CARS2: variants seen among roughly 807,000 people sequenced by gnomAD.
CARS2 encodes probable cysteine--tRNA ligase, mitochondrial.
A neutral mutation model predicts 68.8 loss-of-function variants in CARS2; 52 were observed. The ratio of observed to expected loss-of-function variants is 0.76; its 90% confidence interval spans 0.61 to 0.95. The LOEUF (loss-of-function observed/expected upper bound fraction) is 0.95. Among genes scored for constraint, CARS2 ranks in the 40% least tolerant of loss-of-function variants. CARS2 has a pLI of 0.00. For synonymous variants in CARS2, 314 were observed against 303.6 expected (o/e 1.03, Z -0.36); for missense variants, 780 against 754.2 (o/e 1.03, Z -0.40).
Position 110,651,105 on chromosome 13 carries a change from T to A in CARS2, c.988-5A>T. 6.2e-7 allele frequency: 1 copy of A among 1,611,932 alleles called. No individual in the cohort carries two copies. Among genetic ancestry groups the A allele is most frequent in the Admixed American group, 1.7e-5 (1 of 59,980 alleles). On this transcript the variant is annotated splice_region_variant and splice_polypyrimidine_tract_variant and intron_variant, in intron 9 of 14. Transcript: ENST00000257347. ...GGAAAAGGTCTTCAGAAAGTCCTGG[T>A]AAAGCGAGAGACAGGCAGTCACGAG... is the stretch of plus-strand genomic sequence containing the variant.
chr13:110,702,141 A>G (rs181828171), intron 2 of CARS2, among the ~76,000 whole-genome samples: 1 of 152,320 alleles, frequency 6.6e-6, no homozygotes, highest in Admixed American at 6.5e-5. Context: ...CATAAAAGTT[A>G]CCTTAAAACT....
intron 9 of CARS2, 67 bp from the exon 10 acceptor site, chr13:110,651,167 G>A (rs1384726264): frequency 1.8e-6 from 2 of 1,094,338 alleles, no homozygotes; most frequent in East Asian, 5.0e-5. Context: ...CAGAGAATAT[G>A]TTACTTTCTA....
chr13:110,685,203 G>C (rs752006502), intron 5 of CARS2, among the ~76,000 whole-genome samples: 2 of 152,048 alleles, frequency 1.3e-5, no homozygotes, highest in Non-Finnish European at 2.9e-5. Context: ...AGTTTTTCCT[G>C]GGAGGCTGAG....
intron 14 of CARS2, 71 bp downstream of exon 14, chr13:110,642,244 C>T (rs1225264085): frequency 8.2e-7 from 1 of 1,223,984 alleles, no homozygotes; most frequent in South Asian, 1.3e-5. Context: ...GTCTGGGCCT[C>T]TGATGGCCCC....
intron 9 of CARS2, among the ~76,000 whole-genome samples, chr13:110,657,845 C>G (rs1171824049): frequency 6.6e-6 from 1 of 152,194 alleles, no homozygotes; most frequent in East Asian, 1.9e-4. Flanking sequence ...CATTCCTTAA[C>G]AAATGGTAAA....
Position 110,705,416 on chromosome 13 carries a change from T to C in CARS2, c.275+105A>G. 5 of 753,570 alleles carry C rather than the reference T, an allele frequency of 6.6e-6. No homozygotes were observed. In the South Asian group the frequency reaches 9.1e-5, roughly 14 times the overall value. The allele number at this position is 753,570 out of a possible 1,614,324, so 46.7% of individuals were successfully genotyped here. A position where few individuals can be genotyped will look rare whatever the true frequency, so the allele number is the denominator to read the frequency against. The stretch of plus-strand genomic sequence containing the variant: ...CACAATGCCTGGAATGTAGGAATTA[T>C]TCTGCATCCCTAAGTTGCCACTTAA... On this transcript the variant is annotated intron_variant, in intron 2 of 14. Transcript: ENST00000257347. The surrounding 1 kb of genome is among the most constrained non-coding windows in gnomAD (Gnocchi z 4.0).
rs1594438096 is a variant in CARS2 at position 110,706,059 on chromosome 13, G to A, written c.35C>T (p.Pro12Leu). The change falls in exon 1 of 15, where the codon CCC becomes CTC. Residue 12 changes from proline to leucine, a missense_variant. Pro to Leu is a moderately conservative substitution (Grantham distance 98, BLOSUM62 -3). Transcript: ENST00000257347. ...LRTTRGPGLG[P>L]PLLQAALGLG... ...GCCCAGCGCGGCCTGGAGCAGCGGG[G>A]GGCCCAGGCCTGGGCCGCGCGTAGT... 2.2e-6 allele frequency: 3 copies of A among 1,358,768 alleles called. No individual in the cohort carries two copies. The highest frequency in any genetic ancestry group is 2.8e-6 in the Non-Finnish European group (3 of 1,057,280). 84.2% of individuals were successfully genotyped at this position (1,358,768 alleles called of 1,614,324 possible).
intron 12 of CARS2, 46 bp downstream of exon 12, chr13:110,645,921 A>C (rs780112388): frequency 3.6e-5 from 58 of 1,599,308 alleles, no homozygotes; most frequent in Non-Finnish European, 4.8e-5. Flanking sequence ...GACCCGACCC[A>C]TGCCCCTGGC....
chr13:110,712,178 G>A (rs182297694), intron 1 of CARS2: 2 of 151,818 alleles, frequency 1.3e-5, no homozygotes, highest in Non-Finnish European at 2.9e-5. Flanking sequence ...CAGAAACACT[G>A]CAAGGGCTGG....
rs371620375 is a variant in CARS2, at chr13:110,688,003, C to A, written c.409G>T (p.Ala137Ser). Residue 137 changes from alanine (A) to serine (S), a missense_variant, in exon 4 of 15, where the codon GCT (alanine) becomes TCT (serine). Ala to Ser is a moderately conservative substitution (Grantham distance 99). Transcript: ENST00000257347. ...TCCTCATAAAGACTGGCGAGGGAAGCGGGGGAAATATTCATCTGCAGAAGG... is the reference window on the plus strand; with the variant it reads ...TCCTCATAAAGACTGGCGAGGGAAGAGGGGGAAATATTCATCTGCAGAAGG... ...KRANEMNISP[A>S]SLASLYEEDF... The A allele has an allele frequency of 3.7e-6, 6 of 1,609,904 alleles. No individual in the cohort carries two copies. Among genetic ancestry groups the A allele is most frequent in the Admixed American group, 1.7e-5 (1 of 59,938 alleles).
rs118032606 is a variant in CARS2 at position 110,642,912 on chromosome 13, G to A, written c.1417-391C>T. ...GGGCAGCGACTGAGCGCTTGCACAC[G>A]TGTGTTTCGGCAAATGGTCTGAGAT... On this transcript the variant is annotated intron_variant, in intron 13 of 14. Transcript: ENST00000257347. 5.0e-3 allele frequency: 2,101 copies of A among 419,016 alleles called. 13 individuals are homozygous for A. The highest frequency in any genetic ancestry group is 7.0e-3 in the Non-Finnish European group (1,516 of 218,064). 26.0% of individuals were successfully genotyped at this position (419,016 alleles called of 1,614,324 possible).
chr13:110,706,108 C>T lies in CARS2; in HGVS notation c.-15G>A. The T allele has an allele frequency of 1.5e-6, 2 of 1,302,922 alleles. No individual in the cohort carries two copies. Among genetic ancestry groups the T allele is most frequent in the Non-Finnish European group, 1.9e-6 (2 of 1,029,430 alleles). The allele number at this position is 1,302,922 out of a possible 1,614,324, so 80.7% of individuals were successfully genotyped here. ...GTCCTCAACATGTCAGCGGCCAGCGCCTACGACTGGGCGGAGACGGGAGCC... is the reference window on the plus strand; with the variant it reads ...GTCCTCAACATGTCAGCGGCCAGCGTCTACGACTGGGCGGAGACGGGAGCC... On this transcript the variant is annotated 5_prime_UTR_variant, in exon 1 of 15. Transcript: ENST00000257347.
chr13:110,688,259 A>G (rs2063362798), intron 3 of CARS2, among the ~76,000 whole-genome samples: 1 of 152,206 alleles, frequency 6.6e-6, no homozygotes, highest in Non-Finnish European at 1.5e-5. Context: ...TGGTTAGAGA[A>G]GAAATAATGT....
intron 9 of CARS2, among the ~76,000 whole-genome samples, chr13:110,655,088 A>G (rs2986086): frequency 0.3 from 46,281 of 151,832 alleles, 8,202 homozygotes; most frequent in African/African-American, 0.47. Flanking sequence ...CAGGGGCTCT[A>G]TCCAAAACAT....
rs899589547 is a variant in CARS2 at position 110,661,394 on chromosome 13, T to G, written c.987+2057A>C. On this transcript the variant is annotated intron_variant, in intron 9 of 14. Coordinates refer to ENST00000257347, the MANE Select transcript of CARS2 (RefSeq NM_024537.4). The stretch of plus-strand genomic sequence containing the variant: ...GCTTTCTCATCTCTCTCAGCCTTCA[T>G]AGAACTGAAGAAAGTTAGGGCCTTG... Among the ~76,000 whole-genome samples, 8 of 152,240 alleles carry G rather than the reference T, an allele frequency of 5.3e-5. 1 individual carries two copies. In the East Asian group the frequency reaches 1.5e-3, roughly 29 times the overall value.
Position 110,647,310 on chromosome 13 carries a change from A to T in CARS2, c.1055-71T>A, listed in dbSNP as rs1399067506. On this transcript the variant is annotated intron_variant, in intron 10 of 14. Transcript: ENST00000257347. Reference sequence around the variant, plus strand: ...GCCCCTGCCCTGGTCCAGCAGAATCAGTGTTTTCTGAGGGCACTGCCACCC... The same window carrying T: ...GCCCCTGCCCTGGTCCAGCAGAATCTGTGTTTTCTGAGGGCACTGCCACCC... The T allele has an allele frequency of 3.9e-6, 6 of 1,552,672 alleles. No individual in the cohort carries two copies. In the Middle Eastern group the frequency reaches 5.2e-4, roughly 136 times the overall value.
At chr13:110,695,199 T>C (rs1308993110) in intron 3 of CARS2, among the ~76,000 whole-genome samples, 1 of 152,136 alleles carries the variant, frequency 6.6e-6, no homozygotes, top group Non-Finnish European at 1.5e-5. Context: ...GGAGGATCCC[T>C]GAGCCTGGGA....
upstream of CARS2, among the ~76,000 whole-genome samples, chr13:110,708,725 CCAGCT>C (rs1457770319): frequency 2.6e-5 from 4 of 151,296 alleles, no homozygotes; most frequent in Admixed American, 6.6e-5. Context: ...ACCACCGTGC[CCAGCT>C]AATTTTTGCA....
rs2139679613 is a variant in CARS2, at chr13:110,646,056, A to AG, written c.1227dup (p.Ala411GlyfsTer3). On this transcript the variant is annotated frameshift_variant, in exon 12 of 15. Coordinates refer to ENST00000257347, the MANE Select transcript of CARS2 (RefSeq NM_024537.4). LOFTEE classifies it high-confidence loss of function. ...CTGGGTGTGTCAAAATCATCTGCCA[A>AG]GGCCGCCTTCACGGCCCTCTTGGTG... 6.2e-7 allele frequency: 1 copy of AG among 1,613,446 alleles called. No individual in the cohort carries two copies. The highest frequency in any genetic ancestry group is 8.5e-7 in the Non-Finnish European group (1 of 1,179,786).
Sources: gnomAD v4.1 joint callset for allele counts (sites outside exome capture counted in the v4.1 genomes callset) on GRCh38, gnomAD v4.1.1 for gene constraint, Gnocchi (gnomAD v3.1) non-coding constraint, MANE v1.5 for transcripts, NCBI Gene and HGNC (gene_info 2026-07-23, HGNC 2026-07-21) for gene names.